The following GRIN2A variants were observed in gnomAD, a reference collection of about 807,000 sequenced individuals.
The protein encoded by GRIN2A is glutamate receptor ionotropic, NMDA 2A.
In GRIN2A, 22 loss-of-function variants were observed where a neutral mutation model predicts 113.4. The ratio of observed to expected loss-of-function variants is 0.19; its 90% confidence interval spans 0.14 to 0.28. The LOEUF (loss-of-function observed/expected upper bound fraction) is 0.28, where lower values mean the gene tolerates loss of function less well. GRIN2A is among the 10% of genes least tolerant of loss of function. The probability of loss-of-function intolerance (pLI) is 1.00; values close to 1 mark genes in which losing one functional copy is unlikely to be tolerated. For missense variants in GRIN2A, 1,502 were observed against 1,887.0 expected (o/e 0.80, Z 3.78); for synonymous variants, 827 against 738.4 (o/e 1.12, Z -1.94).
chr16:9,855,280 C>T (rs1311408046), intron 4 of GRIN2A, among the ~76,000 whole-genome samples: 1 of 152,318 alleles, frequency 6.6e-6, no homozygotes, highest in African/African-American at 2.4e-5. Context: ...ATAAAAACAA[C>T]ACTTCCATTT....
intron 2 of GRIN2A, among the ~76,000 whole-genome samples, chr16:10,099,916 G>A (rs564296495): frequency 2.6e-5 from 4 of 152,038 alleles, no homozygotes; most frequent in South Asian, 2.1e-4. Context: ...CCATTCTTAC[G>A]GAGCTTCATT....
intron 2 of GRIN2A, among the ~76,000 whole-genome samples, chr16:9,998,728 T>TTC (rs1020618579): frequency 6.6e-6 from 1 of 151,772 alleles, no homozygotes; most frequent in Non-Finnish European, 1.5e-5. Flanking sequence ...AGTCTCACTC[T>TTC]TCTCTCTCTC....
intron 2 of GRIN2A, among the ~76,000 whole-genome samples, chr16:10,018,992 T>TCCACG (rs1331751946): frequency 6.6e-6 from 1 of 152,122 alleles, no homozygotes; most frequent in East Asian, 1.9e-4. Context: ...AAAAAATATT[T>TCCACG]TTTTTGGAAA....
chr16:9,797,663 A>G (rs529879857), intron 11 of GRIN2A, among the ~76,000 whole-genome samples: 1 of 152,288 alleles, frequency 6.6e-6, no homozygotes, highest in Non-Finnish European at 1.5e-5. Context: ...TGCATCAGAA[A>G]TCCTTTCTCT....
intron 10 of GRIN2A, 142 bp from the exon 11 acceptor site, chr16:9,798,606 A>T: frequency 1.6e-6 from 1 of 630,606 alleles, no homozygotes; most frequent in South Asian, 2.0e-5. Flanking sequence ...TCCCCTCATC[A>T]TAAAAGGATC....
In GRIN2A at chr16:9,763,269, C is replaced by T. The variant is rs778315936; in HGVS notation, c.4275G>A (p.Ser1425=). Residue 1425 remains serine, a synonymous_variant, in exon 13 of 13, where the codon TCG becomes TCA. Transcript: ENST00000330684. The part of the protein sequence containing the change: ...DSRGHNDVYI[S]EHVMPYAANK... ...TTGCAGCATAAGGCATAACATGCTC[C>T]GAAATATACACATCATTGTGGCCCC... 1.7e-5 allele frequency: 27 copies of T among 1,613,960 alleles called. No homozygotes were observed. In the East Asian group the frequency reaches 3.6e-4, roughly 21 times the overall value.
In GRIN2A at chr16:10,156,689, T is replaced by C. The variant is rs544305321; in HGVS notation, c.414+23309A>G. On this transcript the variant is annotated intron_variant, in intron 2 of 12. Transcript: ENST00000330684. ...AAGCCTAAGAAATGGAAAAGGCACCTTGGAGAACTTGACACTTAAAACTTA... is the reference window on the plus strand; with the variant it reads ...AAGCCTAAGAAATGGAAAAGGCACCCTGGAGAACTTGACACTTAAAACTTA... Among the ~76,000 whole-genome samples the C allele has an allele frequency of 9.8e-5, 15 of 152,324 alleles. No homozygotes were observed. The East Asian group carries it at 2.7e-3, about 27-fold the overall frequency.
At chr16:9,934,818 G>A (rs2044675835) in intron 3 of GRIN2A, among the ~76,000 whole-genome samples, 1 of 151,864 alleles carries the variant, frequency 6.6e-6, no homozygotes, top group East Asian at 1.9e-4. Context: ...GTGGGCGTCA[G>A]GGACCGTGGG....
At chr16:10,024,281 T>C (rs975375222) in intron 2 of GRIN2A, among the ~76,000 whole-genome samples, 1 of 152,208 alleles carries the variant, frequency 6.6e-6, no homozygotes, top group Non-Finnish European at 1.5e-5. Context: ...TGGAGTGCAG[T>C]GGCACCATCT....
At chr16:10,103,410 T>C (rs1359387572) in intron 2 of GRIN2A, among the ~76,000 whole-genome samples, 1 of 152,224 alleles carries the variant, frequency 6.6e-6, no homozygotes, top group Non-Finnish European at 1.5e-5. Context: ...ATCAATCATT[T>C]CAGCCATCTT....
At chr16:10,158,589 T>A (rs2049750344) in intron 2 of GRIN2A, among the ~76,000 whole-genome samples, 1 of 152,210 alleles carries the variant, frequency 6.6e-6, no homozygotes, top group Admixed American at 6.5e-5. Context: ...TATTCAGCCA[T>A]GAAAAGGAAT....
intron 3 of GRIN2A, among the ~76,000 whole-genome samples, chr16:9,893,161 G>A (rs534244295): frequency 5.8e-4 from 88 of 152,244 alleles, no homozygotes; most frequent in African/African-American, 2.0e-3. Flanking sequence ...GACCATTCGG[G>A]TCATTGAAAA....
chr16:10,152,934 G>A (rs2049613948), intron 2 of GRIN2A, among the ~76,000 whole-genome samples: 2 of 152,134 alleles, frequency 1.3e-5, no homozygotes, highest in South Asian at 2.1e-4. Flanking sequence ...GGAGGTAGGG[G>A]CTTAGGGAAG....
chr16:10,061,183 G>A (rs549237459), intron 2 of GRIN2A, among the ~76,000 whole-genome samples: 1 of 152,076 alleles, frequency 6.6e-6, no homozygotes, highest in Non-Finnish European at 1.5e-5. Flanking sequence ...TGTGATGCCT[G>A]GAGCTCCAGC....
chr16:10,052,513 A>AG (rs2047376149), intron 2 of GRIN2A, among the ~76,000 whole-genome samples: 1 of 152,176 alleles, frequency 6.6e-6, no homozygotes, highest in Non-Finnish European at 1.5e-5. Flanking sequence ...CATCTGCCCC[A>AG]GGGGACATGA....
chr16:10,131,728 G>A (rs1244240299), intron 2 of GRIN2A, among the ~76,000 whole-genome samples: 1 of 152,174 alleles, frequency 6.6e-6, no homozygotes, highest in Non-Finnish European at 1.5e-5. Flanking sequence ...CATTTCATAG[G>A]CAATGGCCTG....
chr16:9,872,613 T>C (rs1289511971), intron 4 of GRIN2A, among the ~76,000 whole-genome samples: 2 of 152,134 alleles, frequency 1.3e-5, no homozygotes, highest in South Asian at 2.1e-4. Flanking sequence ...GAAAATGTGG[T>C]ATATATACAC....
chr16:10,141,551 G>A (rs1171712762), intron 2 of GRIN2A, among the ~76,000 whole-genome samples: 8 of 152,176 alleles, frequency 5.3e-5, no homozygotes, highest in Non-Finnish European at 8.8e-5. Flanking sequence ...GGGAAAAGCA[G>A]GAGAGACCAA....
intron 4 of GRIN2A, among the ~76,000 whole-genome samples, chr16:9,867,298 A>C (rs1171299441): frequency 6.6e-6 from 1 of 152,038 alleles, no homozygotes; most frequent in Non-Finnish European, 1.5e-5. Flanking sequence ...TCCTAATTGC[A>C]TCTCTCCCAT....
Sources: allele counts gnomAD v4.1 joint callset (sites outside exome capture counted in the v4.1 genomes callset), GRCh38; gene constraint gnomAD v4.1.1; transcripts MANE v1.5; gene names NCBI Gene and HGNC (gene_info 2026-07-23, HGNC 2026-07-21).